The following TTN variants were observed in gnomAD, a reference collection of about 807,000 sequenced individuals.
TTN encodes the protein connectin.
A neutral mutation model predicts 3,223.0 loss-of-function variants in TTN; 1,525 were observed. That is an observed-to-expected ratio of 0.47 (90% CI 0.45 to 0.49). TTN has a LOEUF of 0.49. TTN is among the 20% of genes least tolerant of loss of function. The pLI, the probability that TTN is intolerant of heterozygous loss-of-function variation, is 0.00. For synonymous variants in TTN, 14,094 were observed against 15,161.0 expected, an observed-to-expected ratio of 0.93 and a Z score of 5.17; for missense variants, 40,786 against 43,424.0, an observed-to-expected ratio of 0.94 and a Z score of 5.40.
rs778364983 is a variant in TTN, at chr2:178,554,699, TCTC to T, written c.88645_88647del (p.Glu29549del). The T allele has an allele frequency of 1.9e-5, 31 of 1,613,938 alleles. No individual in the cohort carries two copies. In the African/African-American group the frequency reaches 3.9e-4, roughly 20 times the overall value. On this transcript the variant is annotated inframe_deletion, in exon 332 of 363. Transcript: ENST00000589042. ...GGAGGCCGCCAGAGAAGGGTGATCT[TCTC>T]AGCAGTTACAGTCTTAAATTCAATT...
rs748974241 is a variant in TTN, at chr2:178,545,493, G to T, written c.95617C>A (p.Leu31873Met). Reference sequence around the variant, plus strand: ...AACTGGTAATCACAACCCTCCATCAGGCTGGTCACCTTCAGCCTGGTATCA... The same window carrying T: ...AACTGGTAATCACAACCCTCCATCATGCTGGTCACCTTCAGCCTGGTATCA... ...VYDTRLKVTS[L>M]MEGCDYQFRV... The change falls in exon 344 of 363, where the codon CTG becomes ATG. Residue 31873 changes from leucine (L) to methionine (M), a missense_variant. Leu to Met is a conservative substitution (Grantham distance 15, BLOSUM62 2). Transcript: ENST00000589042. 1 of 1,613,596 alleles carries T rather than the reference G, an allele frequency of 6.2e-7. No homozygotes were observed. The highest frequency in any genetic ancestry group is 8.5e-7 in the Non-Finnish European group (1 of 1,179,620).
Position 178,644,600 on chromosome 2 carries a change from TTTC to T in TTN, c.40422_40424del (p.Lys13475del). 6.4e-7 allele frequency: 1 copy of T among 1,574,624 alleles called. No individual in the cohort carries two copies. Among genetic ancestry groups the T allele is most frequent in the Non-Finnish European group, 8.6e-7 (1 of 1,163,676 alleles). On this transcript the variant is annotated inframe_deletion, in exon 218 of 363. Transcript: ENST00000589042. ...CTGGAACCTGAGGTTTTTCAGGAAC[TTTC>T]TTCTTTGGAATAGCTTTAAAGAATA...
At chr2:178,643,555 T>C (rs2061511698) in intron 218 of TTN, among the ~76,000 whole-genome samples, 1 of 152,004 alleles carries the variant, frequency 6.6e-6, no homozygotes, top group South Asian at 2.1e-4. Context: ...ATATAGATTT[T>C]CTTTACTGAT....
chr2:178,526,381 A>G lies in TTN; in HGVS notation c.*631T>C, dbSNP rs1204035131. 6.6e-6 allele frequency: 1 copy of G among 152,666 alleles called. No individual in the cohort carries two copies. Among genetic ancestry groups the G allele is most frequent in the Non-Finnish European group, 1.5e-5 (1 of 68,048 alleles). 9.5% of individuals were successfully genotyped at this position (152,666 alleles called of 1,614,324 possible). On this transcript the variant is annotated 3_prime_UTR_variant, in exon 363 of 363. Transcript: ENST00000589042. Reference sequence around the variant, plus strand: ...GCACTCCTTATGTCAGAGACAGCGTAAAATGAGCGAACAAAGTGTTGGCCG... The same window carrying G: ...GCACTCCTTATGTCAGAGACAGCGTGAAATGAGCGAACAAAGTGTTGGCCG...
intron 99 of TTN, among the ~76,000 whole-genome samples, chr2:178,709,061 C>T (rs548487561): frequency 9.2e-5 from 14 of 152,076 alleles, no homozygotes; most frequent in African/African-American, 3.1e-4. Flanking sequence ...CAAATGTTAC[C>T]CTTTTGTCTG....
At chr2:178,681,015 T>C (rs956786781) in intron 138 of TTN, 64 bp downstream of exon 138, 3 of 1,304,596 alleles carry the variant, frequency 2.3e-6, no homozygotes, top group Admixed American at 2.4e-5. Flanking sequence ...AAATGAATCA[T>C]AGTTACATTA....
chr2:178,752,122 G>T, intron 47 of TTN: 1 of 1,249,604 alleles, frequency 8.0e-7, no homozygotes, highest in Non-Finnish European at 1.1e-6. Flanking sequence ...AATAGGAAAT[G>T]AAATAAATTG....
At chr2:178,758,313 C>A (rs971695593) in intron 44 of TTN, among the ~76,000 whole-genome samples, 2 of 152,124 alleles carry the variant, frequency 1.3e-5, no homozygotes, top group African/African-American at 4.8e-5. Flanking sequence ...TTCTCTAAAT[C>A]CTTATGTATT....
At chr2:178,615,831 C>A (rs954442794) in intron 257 of TTN, 43 bp from the exon 258 acceptor site, 2 of 1,565,666 alleles carry the variant, frequency 1.3e-6, no homozygotes, top group African/African-American at 1.4e-5. Flanking sequence ...TCCAAAAAAC[C>A]CTTTCGCCAA....
chr2:178,749,115 C>T (rs780829698), intron 47 of TTN: 1 of 1,612,784 alleles, frequency 6.2e-7, no homozygotes, highest in Non-Finnish European at 8.5e-7. Flanking sequence ...TTGTAACTGT[C>T]AGAAATTCTC....
rs1553683359 is a variant in TTN at position 178,605,686 on chromosome 2, G to A, written c.53609C>T (p.Thr17870Ile). The change falls in exon 279 of 363, where the codon ACA becomes ATA. Residue 17870 changes from threonine to isoleucine, a missense_variant. By Grantham distance (89) the Thr-to-Ile change is moderately conservative. Coordinates refer to ENST00000589042, the MANE Select transcript of TTN (RefSeq NM_001267550.2). ...AGTGGACTTTGTCCTTTCAGTGTAT[G>A]TGAGCCTCTCTGGAGATGTTGGAGG... The part of the protein sequence containing the change: ...LGPPTSPERL[T>I]YTERTKSTIT... 6.3e-7 allele frequency: 1 copy of A among 1,584,194 alleles called. No homozygotes were observed. Among genetic ancestry groups the A allele is most frequent in the African/African-American group, 1.3e-5 (1 of 74,138 alleles).
At chr2:178,694,312 TATATGCAATG>T (rs1487690902) in intron 117 of TTN, among the ~76,000 whole-genome samples, 2 of 152,158 alleles carry the variant, frequency 1.3e-5, no homozygotes, top group Non-Finnish European at 2.9e-5. Context: ...CAGGGAATAT[TATATGCAATG>T]GAATGCATTG....
chr2:178,648,179 A>T (rs2062322941), intron 213 of TTN, among the ~76,000 whole-genome samples: 2 of 152,084 alleles, frequency 1.3e-5, no homozygotes, highest in Non-Finnish European at 2.9e-5. Context: ...GAAGCTTCCT[A>T]TTGCCTACAG....
chr2:178,542,846 A>C lies in TTN; in HGVS notation c.97008T>G (p.Pro32336=). 6.2e-7 allele frequency: 1 copy of C among 1,613,884 alleles called. No homozygotes were observed. The highest frequency in any genetic ancestry group is 8.5e-7 in the Non-Finnish European group (1 of 1,179,804). Residue 32336 remains proline, a synonymous_variant, in exon 348 of 363, where the codon CCT becomes CCG. Transcript: ENST00000589042. ...AACCAGCAAAGAACCAGGAAGCAGCAGGAGGTGGACGGCCAGCAATAGGTA... is the reference window on the plus strand; with the variant it reads ...AACCAGCAAAGAACCAGGAAGCAGCCGGAGGTGGACGGCCAGCAATAGGTA... The part of the protein sequence containing the change: ...LVIPIAGRPP[P]AASWFFAGSK...
intron 10 of TTN, 76 bp from the exon 11 acceptor site, chr2:178,790,921 A>G (rs1261688983): frequency 1.3e-6 from 2 of 1,539,518 alleles, no homozygotes; most frequent in Non-Finnish European, 1.8e-6. Flanking sequence ...TGAAACACTC[A>G]GGAAAATACA....
intron 236 of TTN, 75 bp downstream of exon 236, chr2:178,632,071 CT>C (rs2059874629): frequency 7.0e-7 from 1 of 1,431,306 alleles, no homozygotes; most frequent in Non-Finnish European, 9.2e-7. Flanking sequence ...ACTTAGAAGA[CT>C]ATTTTATAGA....
Position 178,554,032 on chromosome 2 carries a change from T to A in TTN, c.89079A>T (p.Gln29693His), listed in dbSNP as rs778478943. Residue 29693 changes from glutamine (Q) to histidine (H), a missense_variant, in exon 333 of 363, where the codon CAA becomes CAT. Gln to His is a conservative substitution (Grantham distance 24). Transcript: ENST00000589042. ...VLKETIRDTR[Q>H]KVTGLTENSD... ...TGTTTTCTGTGAGTCCTGTTACTTTTTGTCTGGTGTCACGGATAGTCTCTT... is the reference window on the plus strand; with the variant it reads ...TGTTTTCTGTGAGTCCTGTTACTTTATGTCTGGTGTCACGGATAGTCTCTT... 1.9e-6 allele frequency: 3 copies of A among 1,613,840 alleles called. No individual in the cohort carries two copies. Among genetic ancestry groups the A allele is most frequent in the Non-Finnish European group, 2.5e-6 (3 of 1,179,834 alleles).
intron 159 of TTN, 44 bp from the exon 160 acceptor site, chr2:178,667,765 G>T: frequency 1.5e-6 from 2 of 1,339,890 alleles, no homozygotes; most frequent in Non-Finnish European, 2.1e-6. Context: ...GTTTCAAGGT[G>T]GATAAAGAAG....
Position 178,570,353 on chromosome 2 carries a change from T to C in TTN, c.75779A>G (p.Gln25260Arg). 2 of 1,613,280 alleles carry C rather than the reference T, an allele frequency of 1.2e-6. No individual in the cohort carries two copies. The highest frequency in any genetic ancestry group is 1.7e-6 in the Non-Finnish European group (2 of 1,179,598). The stretch of plus-strand genomic sequence containing the variant: ...CTTAGTAACCTTGCAGCTGAGAGTC[T>C]GCACATTGGCATCAACCACAGTCCA... ...LVWTVVDANV[Q>R]TLSCKVTKLL... The change falls in exon 326 of 363, where the codon CAG (glutamine) becomes CGG (arginine). Residue 25260 changes from glutamine (Q) to arginine (R), a missense_variant. Physicochemically the swap from Gln to Arg is conservative, Grantham distance 43. Transcript: ENST00000589042.
Sources: allele counts gnomAD v4.1 joint callset (sites outside exome capture counted in the v4.1 genomes callset), GRCh38; gene constraint gnomAD v4.1.1; transcripts MANE v1.5; gene names NCBI Gene and HGNC (gene_info 2026-07-23, HGNC 2026-07-21).